Variants in ROR1 observed in about 807,000 individuals in gnomAD.
The protein encoded by ROR1 is inactive tyrosine-protein kinase transmembrane receptor ROR1.
A neutral mutation model predicts 78.8 loss-of-function variants in ROR1; 19 were observed. That is an observed-to-expected ratio of 0.24 (90% confidence interval 0.17 to 0.35). ROR1 has a LOEUF of 0.35. Ranked by LOEUF, ROR1 falls within the 10% of genes least tolerant of loss-of-function variation. The pLI, the probability that ROR1 is intolerant of heterozygous loss-of-function variation, is 1.00. For synonymous variants in ROR1, 386 were observed against 433.6 expected, an observed-to-expected ratio of 0.89 and a Z score of 1.36; for missense variants, 917 against 1,177.8, an observed-to-expected ratio of 0.78 and a Z score of 3.24.
chr1:64,149,728 A>AAGTC (rs551358942), intron 7 of ROR1, among the ~76,000 whole-genome samples: 8 of 152,310 alleles, frequency 5.3e-5, no homozygotes, highest in Non-Finnish European at 1.0e-4. Context: ...GTCACCTTCC[A>AAGTC]AGTCAAATAT....
chr1:63,856,739 CTGTT>C (rs1645151286), intron 1 of ROR1, among the ~76,000 whole-genome samples: 1 of 152,200 alleles, frequency 6.6e-6, no homozygotes, highest in Admixed American at 6.5e-5. Flanking sequence ...CCTTTACTGA[CTGTT>C]ATACCAGTCT....
In ROR1 at chr1:64,178,627, G is replaced by A. The variant is rs573453757; in HGVS notation, c.2586G>A (p.Ser862=). 19 of 1,613,976 alleles carry A rather than the reference G, an allele frequency of 1.2e-5. No homozygotes were observed. The highest frequency in any genetic ancestry group is 7.7e-5 in the South Asian group (7 of 91,078). ...KSRSPSSASG[S]TSTGHVTSLP... is the part of the protein sequence containing the mutation. ...GGTCCCCAAGCAGTGCCAGTGGGTC[G>A]ACTAGCACTGGCCATGTGACTAGCT... Residue 862 remains serine, a synonymous_variant, in exon 9 of 9, where the codon TCG becomes TCA. Transcript: ENST00000371079. The surrounding 1 kb of genome is among the most constrained non-coding windows in gnomAD (Gnocchi z 4.3).
chr1:64,026,604 T>C (rs983561021), intron 2 of ROR1, among the ~76,000 whole-genome samples: 1 of 152,196 alleles, frequency 6.6e-6, no homozygotes, highest in African/African-American at 2.4e-5. Context: ...TGGTAATTTA[T>C]AAAGAAAGGA....
chr1:64,045,632 TCTTACCCTCTCTGTGC>T (rs1462637035), intron 2 of ROR1, among the ~76,000 whole-genome samples: 2 of 152,160 alleles, frequency 1.3e-5, no homozygotes, highest in Non-Finnish European at 2.9e-5. Flanking sequence ...TGGACAACTT[TCTTACCCTCTCTGTGC>T]CTTACCCTCT....
intron 1 of ROR1, among the ~76,000 whole-genome samples, chr1:63,787,462 C>CTTCT: frequency 1.5e-5 from 2 of 136,412 alleles, no homozygotes; most frequent in African/African-American, 6.2e-5. Context: ...TCCTTCCTTC[C>CTTCT]TTCCTTCCTT....
chr1:63,909,519 A>C (rs1262258576), intron 1 of ROR1, among the ~76,000 whole-genome samples: 1 of 152,176 alleles, frequency 6.6e-6, no homozygotes, highest in African/African-American at 2.4e-5. Flanking sequence ...GGTGAGATAC[A>C]GGTCATCATA....
At chr1:64,082,668 T>C (rs1424542609) in intron 4 of ROR1, among the ~76,000 whole-genome samples, 1 of 152,244 alleles carries the variant, frequency 6.6e-6, no homozygotes, top group Admixed American at 6.5e-5. Flanking sequence ...GCATTAGAGC[T>C]GATCCTCTCT....
chr1:63,924,619 C>T (rs2098236186), intron 1 of ROR1, among the ~76,000 whole-genome samples: 1 of 152,186 alleles, frequency 6.6e-6, no homozygotes, highest in Non-Finnish European at 1.5e-5. Context: ...GTGTGCTGCT[C>T]TATGTGCTGA....
intron 1 of ROR1, among the ~76,000 whole-genome samples, chr1:63,982,739 A>T (rs1043378349): frequency 6.6e-6 from 1 of 152,152 alleles, no homozygotes; most frequent in Non-Finnish European, 1.5e-5. Context: ...GTTGAATGGG[A>T]ATCCCTTTGG....
intron 1 of ROR1, among the ~76,000 whole-genome samples, chr1:63,991,959 G>A (rs551044924): frequency 6.6e-6 from 1 of 152,218 alleles, no homozygotes; most frequent in Admixed American, 6.5e-5. Context: ...TGACGAATAG[G>A]AAAGGAGAAT....
At chr1:63,843,955 A>T (rs1645064594) in intron 1 of ROR1, among the ~76,000 whole-genome samples, 1 of 151,988 alleles carries the variant, frequency 6.6e-6, no homozygotes, top group African/African-American at 2.4e-5. Flanking sequence ...CTGCCTGCCT[A>T]TTATCTATAG....
chr1:63,891,108 A>G (rs1264908911), intron 1 of ROR1, among the ~76,000 whole-genome samples: 1 of 152,190 alleles, frequency 6.6e-6, no homozygotes, highest in Non-Finnish European at 1.5e-5. Flanking sequence ...TTTGCTAATC[A>G]AATACACAAA....
intron 4 of ROR1, among the ~76,000 whole-genome samples, chr1:64,135,057 C>T (rs1649056459): frequency 6.6e-6 from 1 of 152,028 alleles, no homozygotes; most frequent in African/African-American, 2.4e-5. Flanking sequence ...AGAACCACTC[C>T]CCAGCAGATA....
chr1:63,852,214 T>G (rs1334647462), intron 1 of ROR1, among the ~76,000 whole-genome samples: 2 of 152,250 alleles, frequency 1.3e-5, no homozygotes, highest in African/African-American at 2.4e-5. Flanking sequence ...TTGCCCCATA[T>G]GCACAGCTCA....
At chr1:63,985,852 A>G (rs1322107885) in intron 1 of ROR1, among the ~76,000 whole-genome samples, 1 of 152,136 alleles carries the variant, frequency 6.6e-6, no homozygotes, top group East Asian at 1.9e-4. Flanking sequence ...CATTGTTTGT[A>G]TGCAAATATT....
rs116562954 is a variant in ROR1 at position 63,954,229 on chromosome 1, C to T, written c.92-55076C>T. Among the ~76,000 whole-genome samples, 286 of 152,288 alleles carry T rather than the reference C, an allele frequency of 1.9e-3. 2 individuals carry two copies. The highest frequency in any genetic ancestry group is 6.3e-3 in the African/African-American group (262 of 41,554). ...CTCATTTGAATGGGCCAAGGTGGCA[C>T]GTCAGTGTGCCTACATTCCACTCCC... On this transcript the variant is annotated intron_variant, in intron 1 of 8. Transcript: ENST00000371079.
intron 8 of ROR1, among the ~76,000 whole-genome samples, chr1:64,162,755 C>A (rs1198373947): frequency 6.6e-6 from 1 of 152,194 alleles, no homozygotes; most frequent in African/African-American, 2.4e-5. Flanking sequence ...TTCTATATTG[C>A]ATTACAAATT....
In ROR1 at chr1:63,967,366, TAC is replaced by T. The variant is rs1322926668; in HGVS notation, c.92-41935_92-41934del. ...ATACTATCCTATAACATAAAAAAAA[TAC>T]ACAGTTTCCTTTACTGGCTCCTCTT... On this transcript the variant is annotated intron_variant, in intron 1 of 8. Coordinates refer to ENST00000371079, the MANE Select transcript of ROR1 (RefSeq NM_005012.4). Among the ~76,000 whole-genome samples the T allele has an allele frequency of 5.3e-5, 8 of 152,206 alleles. No homozygotes were observed. In the East Asian group the frequency reaches 1.6e-3, roughly 29 times the overall value.
At chr1:64,020,560 A>G (rs185696635) in intron 2 of ROR1, among the ~76,000 whole-genome samples, 3 of 152,176 alleles carry the variant, frequency 2.0e-5, no homozygotes, top group Non-Finnish European at 2.9e-5. Context: ...AAGGAGATGA[A>G]TGAAAAAATA....
Sources: gnomAD v4.1 joint callset for allele counts (sites outside exome capture counted in the v4.1 genomes callset) on GRCh38, gnomAD v4.1.1 for gene constraint, Gnocchi (gnomAD v3.1) non-coding constraint, MANE v1.5 for transcripts, NCBI Gene and HGNC (gene_info 2026-07-23, HGNC 2026-07-21) for gene names.